Variants in SIDT1 observed in about 807,000 individuals in gnomAD.
SIDT1 encodes SID1 transmembrane family member 1.
Under a neutral mutation model 107.5 loss-of-function variants are expected in SIDT1, and 101 were observed. The observed-to-expected ratio is 0.94, with a 90% CI of 0.80 to 1.11. The LOEUF (loss-of-function observed/expected upper bound fraction) is 1.11. Ranked by LOEUF, SIDT1 falls within the 50% of genes least tolerant of loss-of-function variation. The probability of loss-of-function intolerance (pLI) is 0.00; values close to 1 mark genes in which losing one functional copy is unlikely to be tolerated. For missense variants in SIDT1, 1,076 were observed against 1,058.2 expected, an observed-to-expected ratio of 1.02 and a Z score of -0.23; for synonymous variants, 395 against 398.2, an observed-to-expected ratio of 0.99 and a Z score of 0.10.
intron 1 of SIDT1, among the ~76,000 whole-genome samples, chr3:113,551,929 C>A (rs919276088): frequency 4.6e-5 from 7 of 152,054 alleles, no homozygotes; most frequent in Admixed American, 6.6e-5. Context: ...GAGACCCGAG[C>A]AGTTGGCCTG....
At chr3:113,552,979 G>A (rs188117899) in intron 1 of SIDT1, among the ~76,000 whole-genome samples, 184 of 152,244 alleles carry the variant, frequency 1.2e-3, no homozygotes, top group African/African-American at 4.0e-3. Flanking sequence ...AAGCTGGGGC[G>A]TTTGTTAGAA....
intron 21 of SIDT1, among the ~76,000 whole-genome samples, chr3:113,622,441 G>A (rs1354720781): frequency 1.6e-5 from 2 of 122,722 alleles, no homozygotes; most frequent in Admixed American, 2.2e-4. Flanking sequence ...TCCAGCCTGG[G>A]CAACACAGTG....
In SIDT1 at chr3:113,587,071, G is replaced by A. The variant is rs547235094; in HGVS notation, c.1001+1801G>A. 1.4e-3 allele frequency among the ~76,000 whole-genome samples: 213 copies of A among 152,170 alleles called. 2 individuals carry two copies. Among genetic ancestry groups the A allele is most frequent in the African/African-American group, 4.9e-3 (203 of 41,500 alleles). On this transcript the variant is annotated intron_variant, in intron 9 of 24. Coordinates refer to ENST00000264852, the MANE Select transcript of SIDT1 (RefSeq NM_017699.3). The stretch of plus-strand genomic sequence containing the variant: ...CATCAATGTTAAATTTGCTGAATTC[G>A]ATAACTGTATTGTGGTTATGTAAGA...
intron 1 of SIDT1, among the ~76,000 whole-genome samples, chr3:113,536,621 C>T (rs1396756945): frequency 6.6e-6 from 1 of 152,222 alleles, no homozygotes; most frequent in East Asian, 1.9e-4. Context: ...CACTGCATCT[C>T]CCATACCAAA....
In SIDT1 at chr3:113,566,425, A is replaced by C. The variant is rs61734094; in HGVS notation, c.228A>C (p.Thr76=). The change falls in exon 2 of 25, where the codon ACA becomes ACC. Residue 76 remains threonine (T), a synonymous_variant. Transcript: ENST00000264852. ...CTTTCTACCCTGCCATGCAGGTGAC[A>C]GCCGTGAGGGTGTATGTGAACAGTT... ...FNYTSQPDQV[T]AVRVYVNSSS... The C allele has an allele frequency of 8.9e-3, 14,306 of 1,613,642 alleles. 194 individuals carry two copies. Among genetic ancestry groups the C allele is most frequent in the African/African-American group, 0.056 (4,207 of 74,956 alleles).
intron 17 of SIDT1, among the ~76,000 whole-genome samples, chr3:113,609,327 A>G (rs998272704): frequency 6.6e-6 from 1 of 151,916 alleles, no homozygotes; most frequent in Non-Finnish European, 1.5e-5. Flanking sequence ...CTGCCTCCCA[A>G]AGTGCTGGGA....
intron 1 of SIDT1, among the ~76,000 whole-genome samples, chr3:113,541,925 CT>C (rs34308658): frequency 0.27 from 34,381 of 128,038 alleles, 4,443 homozygotes; most frequent in African/African-American, 0.36. Flanking sequence ...CTTTTTCTTT[CT>C]TTTTTTTTTT....
rs938728941 is a variant in SIDT1 at position 113,629,257 on chromosome 3, AT to A, written c.*1556del. On this transcript the variant is annotated 3_prime_UTR_variant, in exon 25 of 25. Coordinates refer to ENST00000264852, the MANE Select transcript of SIDT1 (RefSeq NM_017699.3). ...GTTGCTTTCAATGAAATATTTTGTG[AT>A]TTTTTTAAAGTCCCCAAATGTGTAC... 6.6e-6 allele frequency: 1 copy of A among 152,170 alleles called. No individual in the cohort carries two copies. Among genetic ancestry groups the A allele is most frequent in the Non-Finnish European group, 1.5e-5 (1 of 68,020 alleles). The allele number at this position is 152,170 out of a possible 1,614,324, so 9.4% of individuals were successfully genotyped here.
At chr3:113,597,126 A>G (rs1471637683) in intron 10 of SIDT1, among the ~76,000 whole-genome samples, 2 of 152,168 alleles carry the variant, frequency 1.3e-5, no homozygotes, top group African/African-American at 4.8e-5. Context: ...TGCAAAGATG[A>G]TGGTTTTCTT....
intron 6 of SIDT1, among the ~76,000 whole-genome samples, chr3:113,582,344 G>A (rs1190668684): frequency 1.3e-5 from 2 of 152,156 alleles, no homozygotes; most frequent in African/African-American, 4.8e-5. Flanking sequence ...ACTGTTTACT[G>A]AATAATAAGG....
rs540124331 is a variant in SIDT1, at chr3:113,576,793, C to T, written c.516-129C>T. 5.2e-5 allele frequency: 50 copies of T among 954,974 alleles called. No homozygotes were observed. In the South Asian group the frequency reaches 5.5e-4, roughly 10 times the overall value. The allele number at this position is 954,974 out of a possible 1,614,324, so 59.2% of individuals were successfully genotyped here. ...TCAGTTTCACGGAACCGGAACTCCC[C>T]TCACCAAGGGTGAAGCTCTCCTTGA... On this transcript the variant is annotated intron_variant, in intron 3 of 24. Transcript: ENST00000264852.
At chr3:113,545,737 A>G (rs191289767) in intron 1 of SIDT1, among the ~76,000 whole-genome samples, 64 of 152,376 alleles carry the variant, frequency 4.2e-4, no homozygotes, top group African/African-American at 1.5e-3. Flanking sequence ...AGATAAGTAC[A>G]TAATTTCTTT....
At chr3:113,566,604 A>T in intron 2 of SIDT1, 63 bp downstream of exon 2, 1 of 1,555,032 alleles carries the variant, frequency 6.4e-7, no homozygotes, top group South Asian at 1.2e-5. Flanking sequence ...CCTAGAACTT[A>T]ATTGGTCTTT....
intron 1 of SIDT1, among the ~76,000 whole-genome samples, chr3:113,548,433 A>T (rs765398644): frequency 1.3e-5 from 2 of 151,810 alleles, no homozygotes; most frequent in Non-Finnish European, 2.9e-5. Context: ...GTTTTGTTTT[A>T]TTTTTACTGT....
the SIDT1 span, among the ~76,000 whole-genome samples, chr3:113,636,482 T>C: frequency 6.6e-6 from 1 of 152,100 alleles, no homozygotes; most frequent in African/African-American, 2.4e-5. Flanking sequence ...GTGGGGGGGA[T>C]ATAACCTAAT....
At chr3:113,557,687 G>GCTA (rs1299082184) in intron 1 of SIDT1, among the ~76,000 whole-genome samples, 1 of 152,180 alleles carries the variant, frequency 6.6e-6, no homozygotes, top group Non-Finnish European at 1.5e-5. Flanking sequence ...GCATGGCCCA[G>GCTA]CTAACACCTT....
At chr3:113,550,210 T>C (rs1222398522) in intron 1 of SIDT1, among the ~76,000 whole-genome samples, 1 of 152,186 alleles carries the variant, frequency 6.6e-6, no homozygotes, top group East Asian at 1.9e-4. Context: ...CTCCTATCCT[T>C]TTTGTCTTTC....
At chr3:113,568,945 C>T (rs1261588515) in intron 3 of SIDT1, among the ~76,000 whole-genome samples, 1 of 151,782 alleles carries the variant, frequency 6.6e-6, no homozygotes, top group Non-Finnish European at 1.5e-5. Context: ...ACCAGCCTGA[C>T]CAACATGGTG....
intron 4 of SIDT1, among the ~76,000 whole-genome samples, chr3:113,577,557 C>T (rs1169081124): frequency 9.9e-5 from 15 of 152,190 alleles, no homozygotes; most frequent in Admixed American, 9.8e-4. Context: ...TAAACCATAA[C>T]CACAAATAGA....
Sources: allele counts gnomAD v4.1 joint callset (sites outside exome capture counted in the v4.1 genomes callset), GRCh38; gene constraint gnomAD v4.1.1; transcripts MANE v1.5; gene names NCBI Gene and HGNC (gene_info 2026-07-23, HGNC 2026-07-21).